LYPLAL1: variants seen among roughly 807,000 people sequenced by gnomAD.
LYPLAL1 encodes the protein lysophospholipase-like protein 1.
Under a neutral mutation model 19.7 loss-of-function variants are expected in LYPLAL1, and 23 were observed. The observed-to-expected ratio is 1.17, with a 90% confidence interval of 0.84 to 1.65. The LOEUF is 1.65. Ranked by LOEUF, LYPLAL1 falls within the 40% of genes most tolerant of loss-of-function variation. LYPLAL1 has a pLI of 0.00. For missense variants in LYPLAL1, 355 were observed against 279.4 expected, an observed-to-expected ratio of 1.27 and a Z score of -1.93; for synonymous variants, 119 against 96.3, an observed-to-expected ratio of 1.24 and a Z score of -1.38.
At chr1:219,399,946 G>A in the LYPLAL1 span, among the ~76,000 whole-genome samples, 1 of 152,132 alleles carries the variant, frequency 6.6e-6, no homozygotes, top group East Asian at 1.9e-4. Flanking sequence ...CTGGCTTGCT[G>A]ACCCTACCAC....
At chr1:219,297,212 A>G in the LYPLAL1 span, among the ~76,000 whole-genome samples, 1 of 152,248 alleles carries the variant, frequency 6.6e-6, no homozygotes, top group African/African-American at 2.4e-5. Flanking sequence ...ACCCACTGAC[A>G]AAAACACATA....
At chr1:219,232,905 G>A in the LYPLAL1 span, among the ~76,000 whole-genome samples, 1 of 151,214 alleles carries the variant, frequency 6.6e-6, no homozygotes, top group Admixed American at 6.6e-5. Context: ...TTGTGATGAT[G>A]TGGAGAAATT....
chr1:219,413,396 G>A, the LYPLAL1 span, among the ~76,000 whole-genome samples: 2 of 152,176 alleles, frequency 1.3e-5, no homozygotes, highest in African/African-American at 4.8e-5. Flanking sequence ...ACTGATCCAT[G>A]TACCAGATAA....
the LYPLAL1 span, among the ~76,000 whole-genome samples, chr1:219,311,553 T>G: frequency 1.5e-4 from 22 of 148,662 alleles, no homozygotes; most frequent in African/African-American, 4.4e-4. Context: ...TTTTTTAAGG[T>G]GGACACCATG....
the LYPLAL1 span, among the ~76,000 whole-genome samples, chr1:219,396,187 G>A: frequency 2.6e-5 from 4 of 151,888 alleles, no homozygotes; most frequent in East Asian, 7.7e-4. Flanking sequence ...ATTGAATAAG[G>A]TGTCTTTTTC....
chr1:219,324,376 G>A, the LYPLAL1 span, among the ~76,000 whole-genome samples: 1 of 152,170 alleles, frequency 6.6e-6, no homozygotes, highest in African/African-American at 2.4e-5. Flanking sequence ...TCTGCAAACA[G>A]TACTTACTAT....
the LYPLAL1 span, among the ~76,000 whole-genome samples, chr1:219,367,622 A>G: frequency 2.6e-5 from 4 of 152,210 alleles, no homozygotes; most frequent in Non-Finnish European, 5.9e-5. Context: ...TTAAAATATA[A>G]GATAATTTAT....
chr1:219,324,042 T>C, the LYPLAL1 span, among the ~76,000 whole-genome samples: 1 of 152,314 alleles, frequency 6.6e-6, no homozygotes, highest in East Asian at 1.9e-4. Flanking sequence ...TGTGCGTTTC[T>C]CTCTGGTACT....
intron 3 of LYPLAL1, among the ~76,000 whole-genome samples, chr1:219,209,104 A>G (rs1382145136): frequency 6.6e-6 from 1 of 152,082 alleles, no homozygotes; most frequent in Non-Finnish European, 1.5e-5. Flanking sequence ...ATGTATCTAC[A>G]TCTGGAGTTA....
chr1:219,354,292 G>A, the LYPLAL1 span, among the ~76,000 whole-genome samples: 1 of 152,148 alleles, frequency 6.6e-6, no homozygotes, highest in Non-Finnish European at 1.5e-5. Context: ...CACCTCCCAG[G>A]TTCAACTGAT....
chr1:219,182,976 A>C (rs1296569187), intron 2 of LYPLAL1, among the ~76,000 whole-genome samples: 3 of 152,106 alleles, frequency 2.0e-5, no homozygotes, highest in Admixed American at 2.0e-4. Flanking sequence ...AAATGTATAA[A>C]AGCAGGTTAA....
At chr1:219,335,257 C>T in the LYPLAL1 span, among the ~76,000 whole-genome samples, 1 of 151,914 alleles carries the variant, frequency 6.6e-6, no homozygotes, top group South Asian at 2.1e-4. Context: ...TGTTCACACT[C>T]ATTTCATTGG....
chr1:219,308,617 T>C, the LYPLAL1 span, among the ~76,000 whole-genome samples: 4 of 152,170 alleles, frequency 2.6e-5, no homozygotes, highest in Non-Finnish European at 2.9e-5. Context: ...AACGTAGAGC[T>C]CGGTTTGAGG....
chr1:219,392,044 G>A, the LYPLAL1 span, among the ~76,000 whole-genome samples: 365 of 152,198 alleles, frequency 2.4e-3, 3 homozygotes, highest in East Asian at 0.031. Context: ...TACCTAGGGA[G>A]GCCTTCTAGC....
chr1:219,273,355 G>A, the LYPLAL1 span: 3 of 152,146 alleles, frequency 2.0e-5, no homozygotes, highest in Admixed American at 6.5e-5. Flanking sequence ...TTTGATGTAA[G>A]ACTTTCTCAA....
chr1:219,312,175 T>A, the LYPLAL1 span, among the ~76,000 whole-genome samples: 1 of 152,098 alleles, frequency 6.6e-6, no homozygotes. Context: ...AAGGACATAT[T>A]GCAGGAGGAA....
At chr1:219,364,089 A>G in the LYPLAL1 span, among the ~76,000 whole-genome samples, 1 of 152,178 alleles carries the variant, frequency 6.6e-6, no homozygotes, top group African/African-American at 2.4e-5. Flanking sequence ...ACCAGCTAGA[A>G]CTATTAATTT....
the LYPLAL1 span, among the ~76,000 whole-genome samples, chr1:219,286,028 C>T: frequency 6.6e-6 from 1 of 152,032 alleles, no homozygotes; most frequent in South Asian, 2.1e-4. Context: ...ACATACAAAA[C>T]AACCAGCCGC....
chr1:219,419,592 C>CAGAGAGAGAG, the LYPLAL1 span, among the ~76,000 whole-genome samples: 27 of 62,776 alleles, frequency 4.3e-4, no homozygotes, highest in South Asian at 1.7e-3. Context: ...CACACACACA[C>CAGAGAGAGAG]ACAGAGAGAG....
Sources: gnomAD v4.1 joint callset for allele counts (sites outside exome capture counted in the v4.1 genomes callset) on GRCh38, gnomAD v4.1.1 for gene constraint, MANE v1.5 for transcripts, NCBI Gene and HGNC (gene_info 2026-07-23, HGNC 2026-07-21) for gene names.